FRAS1: variants seen among roughly 807,000 people sequenced by gnomAD.
FRAS1 encodes the protein Fraser extracellular matrix complex subunit 1.
In FRAS1, 290 loss-of-function variants were observed where a neutral mutation model predicts 435.2. The ratio of observed to expected loss-of-function variants is 0.67; its 90% CI spans 0.61 to 0.73. The LOEUF is 0.73. Among genes scored for constraint, FRAS1 ranks in the 30% least tolerant of loss-of-function variants. FRAS1 has a pLI of 0.00. For missense variants in FRAS1, 4,860 were observed against 5,001.5 expected (o/e 0.97, Z 0.85); for synonymous variants, 1,800 against 1,851.0 (o/e 0.97, Z 0.71).
At chr4:78,374,383 A>C in intron 25 of FRAS1, 132 bp downstream of exon 25, 4 of 817,548 alleles carry the variant, frequency 4.9e-6, no homozygotes, top group Non-Finnish European at 7.3e-6. Context: ...TAGCCTAAGT[A>C]ATTGATGGCT....
chr4:78,340,970 T>C (rs1186725242), intron 20 of FRAS1, among the ~76,000 whole-genome samples: 1 of 152,198 alleles, frequency 6.6e-6, no homozygotes, highest in Non-Finnish European at 1.5e-5. Context: ...GGATATGGCC[T>C]CAACACATGA....
intron 9 of FRAS1, among the ~76,000 whole-genome samples, chr4:78,276,088 T>G (rs1004648192): frequency 6.6e-6 from 1 of 152,236 alleles, no homozygotes; most frequent in Non-Finnish European, 1.5e-5. Context: ...CTGATACTCT[T>G]TCTTCCAGTT....
chr4:78,164,270 G>A (rs1433413838), intron 2 of FRAS1, among the ~76,000 whole-genome samples: 3 of 152,082 alleles, frequency 2.0e-5, no homozygotes, highest in Non-Finnish European at 4.4e-5. Flanking sequence ...GCGATGCTTG[G>A]ACCTCTGTGA....
intron 63 of FRAS1, among the ~76,000 whole-genome samples, chr4:78,509,959 G>A (rs1435122057): frequency 6.6e-6 from 1 of 152,216 alleles, no homozygotes; most frequent in Admixed American, 6.5e-5. Flanking sequence ...TCACTGGGAT[G>A]AATAGCAGAG....
intron 2 of FRAS1, among the ~76,000 whole-genome samples, chr4:78,194,627 T>A (rs1190530988): frequency 6.6e-6 from 1 of 152,202 alleles, no homozygotes; most frequent in Non-Finnish European, 1.5e-5. Flanking sequence ...CTCCATCAGG[T>A]CCTTTAAGGA....
At chr4:78,335,782 A>T (rs760243230) in intron 19 of FRAS1, among the ~76,000 whole-genome samples, 133 of 152,088 alleles carry the variant, frequency 8.7e-4, no homozygotes, top group Non-Finnish European at 1.5e-3. Flanking sequence ...GTTTTTTAAG[A>T]TCACCTTTAT....
intron 23 of FRAS1, among the ~76,000 whole-genome samples, chr4:78,370,696 T>C (rs904867020): frequency 2.0e-5 from 3 of 152,222 alleles, no homozygotes; most frequent in African/African-American, 7.2e-5. Context: ...CATACTTAAA[T>C]GAGTGAAGAC....
At chr4:78,150,574 T>C (rs1051517909) in intron 2 of FRAS1, among the ~76,000 whole-genome samples, 4 of 152,214 alleles carry the variant, frequency 2.6e-5, no homozygotes, top group African/African-American at 9.6e-5. Context: ...TTGTCCTGTT[T>C]AAAAGGGCCT....
intron 30 of FRAS1, among the ~76,000 whole-genome samples, chr4:78,403,887 A>G (rs1457420448): frequency 6.6e-6 from 1 of 152,208 alleles, no homozygotes; most frequent in African/African-American, 2.4e-5. Context: ...ATGTTTTATA[A>G]TTAACTGTTA....
intron 2 of FRAS1, among the ~76,000 whole-genome samples, chr4:78,221,520 A>G (rs1055112233): frequency 5.9e-5 from 9 of 152,226 alleles, no homozygotes; most frequent in African/African-American, 1.9e-4. Flanking sequence ...TCTAACTGTT[A>G]TCTCAGAAAT....
intron 2 of FRAS1, among the ~76,000 whole-genome samples, chr4:78,171,069 C>T (rs760945829): frequency 1.2e-4 from 18 of 152,190 alleles, no homozygotes; most frequent in Non-Finnish European, 1.0e-4. Context: ...AATCTCTTTG[C>T]GGGCCTTCCT....
intron 22 of FRAS1, among the ~76,000 whole-genome samples, chr4:78,367,691 A>C (rs921235044): frequency 6.6e-6 from 1 of 151,128 alleles, no homozygotes; most frequent in African/African-American, 2.4e-5. Context: ...TTCATCCTGT[A>C]TTTGTACAGT....
At chr4:78,299,895 C>T (rs1728310485) in intron 14 of FRAS1, among the ~76,000 whole-genome samples, 1 of 152,240 alleles carries the variant, frequency 6.6e-6, no homozygotes, top group Non-Finnish European at 1.5e-5. Context: ...GTTCCTGCAG[C>T]AGACCTCAGA....
chr4:78,304,545 C>G (rs2110213072), intron 14 of FRAS1, among the ~76,000 whole-genome samples: 1 of 152,150 alleles, frequency 6.6e-6, no homozygotes, highest in East Asian at 1.9e-4. Flanking sequence ...ATTTCAGCTC[C>G]TGTTATTGGT....
At position 78,253,115 on chromosome 4, in the gene FRAS1, C is replaced by A. The variant is rs537798253; in HGVS notation, c.469+564C>A. Among the ~76,000 whole-genome samples, 5 of 152,248 alleles carry A rather than the reference C, an allele frequency of 3.3e-5. No homozygotes were observed. The South Asian group carries it at 8.3e-4, about 25-fold the overall frequency. ...GAGTGGCCGTTTATAGACCTCCCCCCAGGAATGCATTCCTTCCTCAGGGTA... is the reference window on the plus strand; with the variant it reads ...GAGTGGCCGTTTATAGACCTCCCCCAAGGAATGCATTCCTTCCTCAGGGTA... On this transcript the variant is annotated intron_variant, in intron 5 of 73. Coordinates refer to ENST00000512123, the MANE Select transcript of FRAS1 (RefSeq NM_025074.7).
chr4:78,412,817 TC>T (rs1733393373), intron 31 of FRAS1, among the ~76,000 whole-genome samples, 151 bp from the exon 32 acceptor site: 1 of 152,106 alleles, frequency 6.6e-6, no homozygotes, highest in Admixed American at 6.5e-5. Flanking sequence ...CAGTAAAAGA[TC>T]AATATTAAAA....
chr4:78,459,079 T>A (rs1381272627), intron 47 of FRAS1, among the ~76,000 whole-genome samples: 2 of 152,326 alleles, frequency 1.3e-5, no homozygotes, highest in African/African-American at 4.8e-5. Context: ...GTGGCATGTG[T>A]TTAAAAATAA....
chr4:78,340,636 G>T (rs1037072358), intron 20 of FRAS1, among the ~76,000 whole-genome samples: 3 of 152,198 alleles, frequency 2.0e-5, no homozygotes, highest in Admixed American at 2.0e-4. Context: ...TAGTTTGCTA[G>T]GGCTGCCATA....
intron 2 of FRAS1, among the ~76,000 whole-genome samples, chr4:78,118,311 C>A (rs1202901507): frequency 1.3e-5 from 2 of 152,220 alleles, no homozygotes; most frequent in Non-Finnish European, 2.9e-5. Context: ...TGTCCATTCA[C>A]AGATGTCCAG....
Sources: allele counts gnomAD v4.1 joint callset (sites outside exome capture counted in the v4.1 genomes callset), GRCh38; gene constraint gnomAD v4.1.1; transcripts MANE v1.5; gene names NCBI Gene and HGNC (gene_info 2026-07-23, HGNC 2026-07-21).